The following CACNA1C variants were observed in gnomAD, a reference collection of about 807,000 sequenced individuals.
The protein encoded by CACNA1C is voltage-dependent L-type calcium channel subunit alpha-1C.
Under a neutral mutation model 229.0 loss-of-function variants are expected in CACNA1C, and 30 were observed. The observed-to-expected ratio is 0.13, with a 90% CI of 0.10 to 0.18. CACNA1C has a LOEUF of 0.18. Ranked by LOEUF, CACNA1C falls within the 10% of genes least tolerant of loss-of-function variation. The probability of loss-of-function intolerance (pLI) is 1.00; values close to 1 mark genes in which losing one functional copy is unlikely to be tolerated. For synonymous variants in CACNA1C, 1,114 were observed against 1,132.5 expected (o/e 0.98, Z 0.33); for missense variants, 1,658 against 2,845.0 (o/e 0.58, Z 9.49).
chr12:2,281,182 A>G (rs1250796002), intron 3 of CACNA1C, among the ~76,000 whole-genome samples: 1 of 143,896 alleles, frequency 6.9e-6, no homozygotes, highest in Non-Finnish European at 1.5e-5. Flanking sequence ...CTTCACATAT[A>G]GTACGGGAAC....
intron 3 of CACNA1C, among the ~76,000 whole-genome samples, chr12:2,174,696 TC>T (rs1166548616): frequency 6.6e-6 from 1 of 152,202 alleles, no homozygotes; most frequent in Non-Finnish European, 1.5e-5. Context: ...AAATTTTGAC[TC>T]CCGCAAAGCC....
chr12:2,205,086 A>G (rs1391578388), intron 3 of CACNA1C, among the ~76,000 whole-genome samples: 1 of 152,142 alleles, frequency 6.6e-6, no homozygotes, highest in Non-Finnish European at 1.5e-5. Flanking sequence ...CTGCAAAGCC[A>G]GTGAGCTCTT....
At chr12:2,468,362 T>C (rs1254130269) in intron 5 of CACNA1C, among the ~76,000 whole-genome samples, 2 of 152,148 alleles carry the variant, frequency 1.3e-5, no homozygotes, top group Admixed American at 1.3e-4. Flanking sequence ...TAGGGTTACC[T>C]CCAACTACAA....
In CACNA1C at chr12:2,067,086, C is replaced by T. The variant is rs998753500; in HGVS notation, c.49+13475C>T. On this transcript the variant is annotated intron_variant, in intron 1 of 46. Coordinates refer to ENST00000399655, the MANE Select transcript of CACNA1C (RefSeq NM_000719.7). The surrounding 1 kb of genome is among the most constrained non-coding windows in gnomAD (Gnocchi z 5.3). ...GATTGGCATTCCTAGAGAAAGCTTC[C>T]CCAGAAATGAATTTGGCAAAGTGAG... Among the ~76,000 whole-genome samples the T allele has an allele frequency of 3.3e-5, 5 of 152,034 alleles. No homozygotes were observed. Among genetic ancestry groups the T allele is most frequent in the African/African-American group, 1.2e-4 (5 of 41,384 alleles).
intron 3 of CACNA1C, among the ~76,000 whole-genome samples, chr12:2,309,680 G>A (rs2154481792): frequency 6.6e-6 from 1 of 152,286 alleles, no homozygotes; most frequent in East Asian, 1.9e-4. Flanking sequence ...CTACAAAACT[G>A]TAAAAATATA....
At chr12:2,158,397 G>A (rs919662710) in intron 3 of CACNA1C, among the ~76,000 whole-genome samples, 4 of 152,114 alleles carry the variant, frequency 2.6e-5, no homozygotes, top group African/African-American at 4.8e-5. Context: ...GCAACATGGC[G>A]AAACCATGTC....
intron 3 of CACNA1C, among the ~76,000 whole-genome samples, chr12:2,198,378 C>T (rs531515240): frequency 2.0e-5 from 3 of 152,282 alleles, no homozygotes; most frequent in African/African-American, 4.8e-5. Flanking sequence ...TCTGTGGAAC[C>T]GGAGGCCTCC....
chr12:1,996,683 A>G (rs2041003897), intron 1 of CACNA1C, among the ~76,000 whole-genome samples: 1 of 141,908 alleles, frequency 7.0e-6, no homozygotes, highest in Non-Finnish European at 1.5e-5. Context: ...GTTTTAAAGA[A>G]GTTTACGAAT....
At chr12:2,667,984 G>T (rs74057323) in intron 37 of CACNA1C, among the ~76,000 whole-genome samples, 13 of 152,242 alleles carry the variant, frequency 8.5e-5, no homozygotes, top group African/African-American at 2.9e-4. Context: ...TGTTCTGGGG[G>T]TGTGTGCTGG....
intron 3 of CACNA1C, among the ~76,000 whole-genome samples, chr12:2,392,499 G>C (rs919716460): frequency 2.6e-5 from 4 of 152,214 alleles, no homozygotes; most frequent in Middle Eastern, 3.4e-3. Flanking sequence ...CCAGCCCCTC[G>C]CATGCATCCA....
At chr12:2,269,464 C>T (rs543637561) in intron 3 of CACNA1C, among the ~76,000 whole-genome samples, 7 of 152,256 alleles carry the variant, frequency 4.6e-5, no homozygotes, top group East Asian at 1.9e-4. Context: ...AAATCATACA[C>T]AGCCCTCTAG....
At chr12:2,286,673 G>A (rs948210575) in intron 3 of CACNA1C, among the ~76,000 whole-genome samples, 2 of 152,294 alleles carry the variant, frequency 1.3e-5, no homozygotes, top group East Asian at 1.9e-4. Flanking sequence ...TCCCTCCCCC[G>A]AGAGCACTGT....
At chr12:2,681,963 C>T in intron 42 of CACNA1C, 1 of 1,602,122 alleles carries the variant, frequency 6.2e-7, no homozygotes, top group East Asian at 2.2e-5. Flanking sequence ...AAGGCACGTT[C>T]CGATGTGTGA....
rs1325213690 is a variant in CACNA1C at position 2,682,784 on chromosome 12, AGAG to A, written c.5573+110_5573+112del. On this transcript the variant is annotated intron_variant, in intron 43 of 46. Transcript: ENST00000399655. The stretch of plus-strand genomic sequence containing the variant: ...CTCCTCTGGGGCTGATTGCAGGAGG[AGAG>A]GAGATCACAGAGAAAACATCTGCAC... 1.4e-5 allele frequency: 15 copies of A among 1,104,258 alleles called. No individual in the cohort carries two copies. The African/African-American group carries it at 1.6e-4, about 12-fold the overall frequency. The allele number at this position is 1,104,258 out of a possible 1,614,324, so 68.4% of individuals were successfully genotyped here. A position where few individuals can be genotyped will look rare whatever the true frequency, so the allele number is the denominator to read the frequency against.
rs2154553149 is a variant in CACNA1C, at chr12:2,410,003, A to G, written c.478-38973A>G. Among the ~76,000 whole-genome samples the G allele has an allele frequency of 6.6e-6, 1 of 152,364 alleles. No individual in the cohort carries two copies. The highest frequency in any genetic ancestry group is 1.9e-4 in the East Asian group (1 of 5,180). On this transcript the variant is annotated intron_variant, in intron 3 of 46. Transcript: ENST00000399655. The surrounding 1 kb of genome is among the most constrained non-coding windows in gnomAD (Gnocchi z 5.3). ...GATGAGCAGGACAGCTCGGAGAGACAGGAACGCAAACAGAGGAGAATTTTC... is the reference window on the plus strand; with the variant it reads ...GATGAGCAGGACAGCTCGGAGAGACGGGAACGCAAACAGAGGAGAATTTTC...
In CACNA1C at chr12:2,581,636, G is replaced by T. The variant is rs1462314702; in HGVS notation, c.1942G>T (p.Val648Leu). 1.3e-6 allele frequency: 2 copies of T among 1,589,850 alleles called. No homozygotes were observed. The highest frequency in any genetic ancestry group is 1.8e-5 in the Admixed American group (1 of 56,520). ...CCTGGTGGCATCCTTGCTGAACTCT[G>T]TGCGCTCCATCGCCTCCCTGCTCCT... ...SNLVASLLNS[V>L]RSIASLLLLL... Residue 648 changes from valine (V) to leucine (L), a missense_variant, in exon 14 of 47, where the codon GTG (valine) becomes TTG (leucine). Around this residue, in one of 20 missense-constraint regions of CACNA1C, gnomAD observed 30 missense variants for 96.6 expected, o/e 0.31. Transcript: ENST00000399655.
chr12:2,607,225 C>T, intron 26 of CACNA1C, 95 bp downstream of exon 26: 2 of 1,322,176 alleles, frequency 1.5e-6, no homozygotes, highest in Non-Finnish European at 2.1e-6. Flanking sequence ...GTCCCGCACT[C>T]CCTCTGGAGG....
intron 5 of CACNA1C, among the ~76,000 whole-genome samples, chr12:2,460,777 C>A (rs2154565646): frequency 6.6e-6 from 1 of 152,328 alleles, no homozygotes; most frequent in East Asian, 1.9e-4. Flanking sequence ...TAGGTAGCTC[C>A]ATGCTTATGC....
intron 3 of CACNA1C, among the ~76,000 whole-genome samples, chr12:2,125,799 A>G (rs1316494716): frequency 1.3e-5 from 2 of 152,138 alleles, no homozygotes; most frequent in African/African-American, 2.4e-5. Context: ...TCCCTCCGCA[A>G]TCAGCTCTGT....
Sources: allele counts gnomAD v4.1 joint callset (sites outside exome capture counted in the v4.1 genomes callset), GRCh38; gene constraint gnomAD v4.1.1; regional missense constraint gnomAD v4.1.1; non-coding constraint Gnocchi (gnomAD v3.1); transcripts MANE v1.5; gene names NCBI Gene and HGNC (gene_info 2026-07-23, HGNC 2026-07-21).